Variants in VPS4B observed in about 807,000 individuals in gnomAD.
VPS4B encodes vacuolar protein sorting 4 homolog B.
A neutral mutation model predicts 56.1 loss-of-function variants in VPS4B; 23 were observed. The observed-to-expected ratio is 0.41, with a 90% CI of 0.30 to 0.58. The LOEUF (loss-of-function observed/expected upper bound fraction) is 0.58, where lower values mean the gene tolerates loss of function less well. VPS4B is among the 20% of genes least tolerant of loss of function. VPS4B has a pLI of 0.29. For synonymous variants in VPS4B, 177 were observed against 186.0 expected, an observed-to-expected ratio of 0.95 and a Z score of 0.39; for missense variants, 372 against 531.9, an observed-to-expected ratio of 0.70 and a Z score of 2.96.
intron 3 of VPS4B, among the ~76,000 whole-genome samples, chr18:63,408,086 T>A (rs1915957480): frequency 6.6e-6 from 1 of 152,180 alleles, no homozygotes; most frequent in Non-Finnish European, 1.5e-5. Flanking sequence ...TTCAAGCATT[T>A]GACCATAAGG....
At chr18:63,417,679 T>A (rs188793779) in intron 1 of VPS4B, among the ~76,000 whole-genome samples, 189 of 151,622 alleles carry the variant, frequency 1.2e-3, no homozygotes, top group African/African-American at 4.2e-3. Flanking sequence ...TGTTTTTTTT[T>A]AATTTATTGG....
rs1200425372 is a variant in VPS4B at position 63,422,244 on chromosome 18, G to T, written c.16C>A (p.Pro6Thr). The T allele has an allele frequency of 1.3e-6, 2 of 1,514,622 alleles. No homozygotes were observed. The highest frequency in any genetic ancestry group is 1.8e-6 in the Non-Finnish European group (2 of 1,130,214). 93.8% of individuals were successfully genotyped at this position (1,514,622 alleles called of 1,614,324 possible). The change falls in exon 1 of 11, where the codon CCC (proline) becomes ACC (threonine). Residue 6 changes from proline to threonine, a missense_variant. By Grantham distance (38) the Pro-to-Thr change is conservative (BLOSUM62 -1). Coordinates refer to ENST00000238497, the MANE Select transcript of VPS4B (RefSeq NM_004869.4). MSSTS[P>T]NLQKAIDLAS... ...ATGAGCAATGATACCTGGAGGTTGG[G>T]CGAAGTGGATGACATGGCGGAGTTC...
intron 10 of VPS4B, 141 bp downstream of exon 10, chr18:63,393,268 C>A: frequency 1.3e-6 from 1 of 793,924 alleles, no homozygotes; most frequent in Non-Finnish European, 1.8e-6. Flanking sequence ...GTTCAATTAA[C>A]TTCATAATTT....
At position 63,389,357 on chromosome 18, in the gene VPS4B, T is replaced by C. The variant is rs1915490973; in HGVS notation, c.*1618A>G. The stretch of plus-strand genomic sequence containing the variant: ...GAGCATAATTCAGGCCTTTTCCATT[T>C]AATAACAAAAACAATCTGTACAGAA... On this transcript the variant is annotated 3_prime_UTR_variant, in exon 11 of 11. Transcript: ENST00000238497. The C allele has an allele frequency of 1.3e-5, 2 of 152,648 alleles. No individual in the cohort carries two copies. Among genetic ancestry groups the C allele is most frequent in the South Asian group, 4.1e-4 (2 of 4,834 alleles). The allele number at this position is 152,648 out of a possible 1,614,324, so 9.5% of individuals were successfully genotyped here.
chr18:63,411,523 T>G lies in VPS4B; in HGVS notation c.83A>C (p.Glu28Ala), dbSNP rs747766401. ...AAQEDKAGNY[E>A]EALQLYQHAV... ...ATGCTGATAGAGCTGAAGGGCTTCTTCGTAGTTCCCAGCCTTGTCTTCTTG... is the reference window on the plus strand; with the variant it reads ...ATGCTGATAGAGCTGAAGGGCTTCTGCGTAGTTCCCAGCCTTGTCTTCTTG... The change falls in exon 2 of 11, where the codon GAA (glutamate) becomes GCA (alanine). Residue 28 changes from glutamate to alanine, a missense_variant. Coordinates refer to ENST00000238497, the MANE Select transcript of VPS4B (RefSeq NM_004869.4). The G allele has an allele frequency of 6.2e-7, 1 of 1,604,232 alleles. No individual in the cohort carries two copies.
chr18:63,421,593 A>G (rs1403961291), intron 1 of VPS4B, among the ~76,000 whole-genome samples: 2 of 152,212 alleles, frequency 1.3e-5, no homozygotes, highest in Non-Finnish European at 2.9e-5. Context: ...CTAACGATTA[A>G]GCCTAAAATC....
intron 10 of VPS4B, among the ~76,000 whole-genome samples, chr18:63,392,379 G>A (rs1263691982): frequency 6.6e-6 from 1 of 152,184 alleles, no homozygotes; most frequent in Non-Finnish European, 1.5e-5. Flanking sequence ...TTTCTATGGA[G>A]CTTTGAGAAG....
chr18:63,411,645 C>A (rs1460557354), intron 1 of VPS4B, 67 bp from the exon 2 acceptor site: 4 of 1,156,900 alleles, frequency 3.5e-6, no homozygotes, highest in South Asian at 4.5e-5. Context: ...AGTAAATAAT[C>A]ATACTGAAAG....
intron 4 of VPS4B, among the ~76,000 whole-genome samples, chr18:63,405,031 A>G (rs1019458136): frequency 6.6e-6 from 1 of 152,168 alleles, no homozygotes; most frequent in South Asian, 2.1e-4. Flanking sequence ...TATTTTATAT[A>G]TGTATACCGT....
intron 10 of VPS4B, 58 bp from the exon 11 acceptor site, chr18:63,391,134 A>C: frequency 8.7e-7 from 1 of 1,148,132 alleles, no homozygotes; most frequent in African/African-American, 1.6e-5. Flanking sequence ...CAAAATAAAA[A>C]ACCGTCATAT....
chr18:63,421,891 C>CTA (rs1971539838), intron 1 of VPS4B, among the ~76,000 whole-genome samples: 1 of 152,230 alleles, frequency 6.6e-6, no homozygotes, highest in African/African-American at 2.4e-5. Context: ...CTATCTTCAA[C>CTA]TGGTCCAGAA....
rs575040366 is a variant in VPS4B, at chr18:63,405,044, G to A, written c.365-1218C>T. Among the ~76,000 whole-genome samples the A allele has an allele frequency of 6.1e-4, 93 of 152,146 alleles. 1 individual carries two copies. Among genetic ancestry groups the A allele is most frequent in the Middle Eastern group, 3.4e-3 (1 of 290 alleles). On this transcript the variant is annotated intron_variant, in intron 4 of 10. Coordinates refer to ENST00000238497, the MANE Select transcript of VPS4B (RefSeq NM_004869.4). ...TTTATTTTATATATGTATACCGTCT[G>A]ACTCAAGATTTCTGCTATAAATTTT...
rs1177771990 is a variant in VPS4B at position 63,390,115 on chromosome 18, C to G, written c.*860G>C. 6.6e-6 allele frequency: 1 copy of G among 152,284 alleles called. No homozygotes were observed. Among genetic ancestry groups the G allele is most frequent in the Non-Finnish European group, 1.5e-5 (1 of 68,038 alleles). The allele number at this position is 152,284 out of a possible 1,614,324, so 9.4% of individuals were successfully genotyped here. A position where few individuals can be genotyped will look rare whatever the true frequency, so the allele number is the denominator to read the frequency against. Reference sequence around the variant, plus strand: ...GAGTGCAATGGCGCTATCTCGGCGCCCAGGCTGGAATGCAGTAGCGCGATC... The same window carrying G: ...GAGTGCAATGGCGCTATCTCGGCGCGCAGGCTGGAATGCAGTAGCGCGATC... On this transcript the variant is annotated 3_prime_UTR_variant, in exon 11 of 11. Coordinates refer to ENST00000238497, the MANE Select transcript of VPS4B (RefSeq NM_004869.4).
At chr18:63,392,984 G>C (rs1915587343) in intron 10 of VPS4B, among the ~76,000 whole-genome samples, 2 of 152,064 alleles carry the variant, frequency 1.3e-5, no homozygotes, top group Admixed American at 6.6e-5. Flanking sequence ...GGCCTCAAGT[G>C]GTCTGCCCGC....
intron 4 of VPS4B, among the ~76,000 whole-genome samples, chr18:63,404,294 A>C (rs1599360511): frequency 1.3e-5 from 2 of 152,292 alleles, no homozygotes; most frequent in East Asian, 1.9e-4. Flanking sequence ...CACTGAAAAA[A>C]AAAATATGCT....
At chr18:63,392,896 C>T (rs1317809503) in intron 10 of VPS4B, among the ~76,000 whole-genome samples, 1 of 152,012 alleles carries the variant, frequency 6.6e-6, no homozygotes, top group Non-Finnish European at 1.5e-5. Flanking sequence ...CAGGTGTGCA[C>T]CACACTGCCT....
chr18:63,405,320 ACT>A (rs1158915396), intron 4 of VPS4B, among the ~76,000 whole-genome samples: 1 of 152,158 alleles, frequency 6.6e-6, no homozygotes, highest in African/African-American at 2.4e-5. Context: ...CTAACAGAAA[ACT>A]CAAATCACAA....
chr18:63,405,635 T>C (rs1034079651), intron 4 of VPS4B, among the ~76,000 whole-genome samples: 4 of 152,134 alleles, frequency 2.6e-5, no homozygotes, highest in African/African-American at 7.2e-5. Context: ...TTGTAAGTGA[T>C]AGGGAATTTA....
intron 10 of VPS4B, among the ~76,000 whole-genome samples, chr18:63,391,810 T>A (rs8087983): frequency 0.53 from 80,925 of 152,046 alleles, 22,060 homozygotes; most frequent in East Asian, 0.88. Context: ...ATGAAAAATC[T>A]ACTAACCAGA....
Sources: gnomAD v4.1 joint callset for allele counts (sites outside exome capture counted in the v4.1 genomes callset) on GRCh38, gnomAD v4.1.1 for gene constraint, MANE v1.5 for transcripts, NCBI Gene and HGNC (gene_info 2026-07-23, HGNC 2026-07-21) for gene names.